Variants in DOCK10 observed in about 807,000 individuals in gnomAD.
DOCK10 encodes the protein dedicator of cytokinesis protein 10.
A neutral mutation model predicts 280.1 loss-of-function variants in DOCK10; 145 were observed. That is an observed-to-expected ratio of 0.52 (90% CI 0.45 to 0.59). The LOEUF is 0.59. DOCK10 is among the 20% of genes least tolerant of loss of function. The pLI is 0.00. For missense variants in DOCK10, 2,368 were observed against 2,651.7 expected (o/e 0.89, Z 2.35); for synonymous variants, 915 against 942.2 (o/e 0.97, Z 0.53).
intron 11 of DOCK10, among the ~76,000 whole-genome samples, chr2:224,866,102 G>T (rs186233792): frequency 6.6e-6 from 1 of 152,206 alleles, no homozygotes; most frequent in South Asian, 2.1e-4. Flanking sequence ...TGCCCCTTTC[G>T]ATGCTGCCAG....
At chr2:225,035,572 A>ACATATATATATATATATATATAT (rs1553634950) in intron 1 of DOCK10, among the ~76,000 whole-genome samples, 1 of 69,956 alleles carries the variant, frequency 1.4e-5, no homozygotes, top group Non-Finnish European at 2.9e-5. Flanking sequence ...ATATATATAT[A>ACATATATATATATATATATATAT]TATATATATA....
intron 18 of DOCK10, among the ~76,000 whole-genome samples, chr2:224,850,406 T>C (rs1003658839): frequency 1.3e-5 from 2 of 151,928 alleles, no homozygotes; most frequent in African/African-American, 4.8e-5. Flanking sequence ...TATCCCTGAG[T>C]GAAAATAAAA....
intron 7 of DOCK10, among the ~76,000 whole-genome samples, chr2:224,884,707 T>G (rs188385519): frequency 6.6e-6 from 1 of 152,364 alleles, no homozygotes; most frequent in Non-Finnish European, 1.5e-5. Flanking sequence ...AATTAGACTC[T>G]CTGGAATCAG....
rs192063573 is a variant in DOCK10, at chr2:224,770,752, C to T, written c.6205-107G>A. 5.1e-5 allele frequency: 39 copies of T among 759,068 alleles called. No homozygotes were observed. The African/African-American group carries it at 5.2e-4, about 10-fold the overall frequency. 47.0% of individuals were successfully genotyped at this position (759,068 alleles called of 1,614,324 possible). A position where few individuals can be genotyped will look rare whatever the true frequency, so the allele number is the denominator to read the frequency against. ...CCAATGGTGTGGTACCCCCATCTCA[C>T]ACCCTGCCTTCTAGTCCACTCATTT... On this transcript the variant is annotated intron_variant, in intron 53 of 55. Transcript: ENST00000258390. This position sits in a 1 kb window ranked among gnomAD's most constrained non-coding sequence, Gnocchi z 4.5.
intron 1 of DOCK10, among the ~76,000 whole-genome samples, chr2:224,991,699 C>G (rs1706130295): frequency 6.6e-6 from 1 of 152,052 alleles, no homozygotes; most frequent in Non-Finnish European, 1.5e-5. Flanking sequence ...CTGAGTCAGG[C>G]TAACTTAAAG....
At chr2:224,772,990 T>C (rs9973656) in intron 53 of DOCK10, among the ~76,000 whole-genome samples, 167 bp downstream of exon 53, 2,725 of 152,322 alleles carry the variant, frequency 0.018, 73 homozygotes, top group African/African-American at 0.057. Context: ...TGAGTAACAT[T>C]AATGCACATT....
intron 2 of DOCK10, among the ~76,000 whole-genome samples, chr2:224,918,742 G>T (rs1205543745): frequency 1.3e-5 from 2 of 151,276 alleles, no homozygotes; most frequent in Non-Finnish European, 2.9e-5. Flanking sequence ...GTGTGTTAGT[G>T]TGTATACATG....
chr2:224,830,985 G>C (rs1361763500), intron 26 of DOCK10, among the ~76,000 whole-genome samples: 3 of 148,954 alleles, frequency 2.0e-5, no homozygotes, highest in Non-Finnish European at 4.5e-5. Context: ...CCAGGCTGGA[G>C]TGCAGTGGTG....
intron 15 of DOCK10, 127 bp from the exon 16 acceptor site, chr2:224,855,169 G>T (rs1191121008): frequency 1.0e-5 from 5 of 479,288 alleles, no homozygotes; most frequent in Non-Finnish European, 1.7e-5. Flanking sequence ...AGGGTAAACA[G>T]CAGACTCCCA....
At chr2:224,885,972 C>G in intron 6 of DOCK10, 91 bp downstream of exon 6, 1 of 1,553,478 alleles carries the variant, frequency 6.4e-7, no homozygotes, top group Non-Finnish European at 8.7e-7. Flanking sequence ...AACATAAACT[C>G]AATGCAAATG....
At chr2:224,869,640 A>G (rs1194290816) in intron 11 of DOCK10, among the ~76,000 whole-genome samples, 1 of 152,364 alleles carries the variant, frequency 6.6e-6, no homozygotes, top group South Asian at 2.1e-4. Flanking sequence ...TATCAACTGT[A>G]AAATGAAAAA....
At position 224,834,282 on chromosome 2, in the gene DOCK10, G is replaced by A. The variant is rs1167102050; in HGVS notation, c.2851-19C>T. The A allele has an allele frequency of 1.5e-6, 2 of 1,338,068 alleles. No individual in the cohort carries two copies. The highest frequency in any genetic ancestry group is 2.1e-6 in the Non-Finnish European group (2 of 932,066). The allele number at this position is 1,338,068 out of a possible 1,614,324, so 82.9% of individuals were successfully genotyped here. A position where few individuals can be genotyped will look rare whatever the true frequency, so the allele number is the denominator to read the frequency against. ...ACACGAACTGAAGAAAATCCAAAAA[G>A]TGAATAAAGTTAAATACTTTGAAAA... On this transcript the variant is annotated intron_variant, in intron 25 of 55. Coordinates refer to ENST00000258390, the MANE Select transcript of DOCK10 (RefSeq NM_014689.3).
At chr2:224,857,045 G>A (rs1421431216) in intron 14 of DOCK10, 63 bp from the exon 15 acceptor site, 17 of 1,334,482 alleles carry the variant, frequency 1.3e-5, no homozygotes, top group Middle Eastern at 1.9e-4. Context: ...TGTTTTTAAC[G>A]TGACTATATT....
At chr2:224,799,855 TAC>T (rs1692849536) in intron 41 of DOCK10, among the ~76,000 whole-genome samples, 1 of 152,158 alleles carries the variant, frequency 6.6e-6, no homozygotes, top group Admixed American at 6.6e-5. Flanking sequence ...ACTGAAAAAG[TAC>T]AGAGTCACAC....
chr2:224,961,328 G>C (rs1180223864), intron 1 of DOCK10, among the ~76,000 whole-genome samples: 1 of 152,098 alleles, frequency 6.6e-6, no homozygotes, highest in Non-Finnish European at 1.5e-5. Context: ...AATTCCCATT[G>C]TGCAACACAA....
At chr2:224,765,925 T>G in intron 55 of DOCK10, 88 bp from the exon 56 acceptor site, 1 of 929,784 alleles carries the variant, frequency 1.1e-6, no homozygotes, top group Non-Finnish European at 1.6e-6. Flanking sequence ...AATAGAGGTT[T>G]TCATTCCCCA....
chr2:224,824,704 G>A (rs57148205), intron 27 of DOCK10, among the ~76,000 whole-genome samples: 50,172 of 151,492 alleles, frequency 0.33, 10,658 homozygotes, highest in African/African-American at 0.6. Flanking sequence ...AAACTGCTAG[G>A]ATTACAAGTG....
In DOCK10 at chr2:224,773,445, A is replaced by G. The variant is rs116090480; in HGVS notation, c.6014-98T>C. The G allele has an allele frequency of 1.5e-3, 1,582 of 1,069,500 alleles. 18 individuals carry two copies. In the African/African-American group the frequency reaches 0.023, roughly 16 times the overall value. 66.3% of individuals were successfully genotyped at this position (1,069,500 alleles called of 1,614,324 possible). A position where few individuals can be genotyped will look rare whatever the true frequency, so the allele number is the denominator to read the frequency against. On this transcript the variant is annotated intron_variant, in intron 52 of 55. Coordinates refer to ENST00000258390, the MANE Select transcript of DOCK10 (RefSeq NM_014689.3). Reference sequence around the variant, plus strand: ...AGAGGATCATGTATCATTTCACGGCACATGGCACCTTCCATTCTGCATGCT... The same window carrying G: ...AGAGGATCATGTATCATTTCACGGCGCATGGCACCTTCCATTCTGCATGCT...
At chr2:224,976,066 G>A (rs369343177) in intron 1 of DOCK10, among the ~76,000 whole-genome samples, 1 of 152,116 alleles carries the variant, frequency 6.6e-6, no homozygotes, top group Non-Finnish European at 1.5e-5. Flanking sequence ...TGAGCCTGCC[G>A]ACCTGCAAGA....
Sources: gnomAD v4.1 joint callset for allele counts (sites outside exome capture counted in the v4.1 genomes callset) on GRCh38, gnomAD v4.1.1 for gene constraint, Gnocchi (gnomAD v3.1) non-coding constraint, MANE v1.5 for transcripts, NCBI Gene and HGNC (gene_info 2026-07-23, HGNC 2026-07-21) for gene names.